Variants in CDK19 observed in about 807,000 individuals in gnomAD.
CDK19 encodes the protein cyclin-dependent kinase 19.
In CDK19, 20 loss-of-function variants were observed where a neutral mutation model predicts 68.3. The ratio of observed to expected loss-of-function variants is 0.29; its 90% CI spans 0.21 to 0.43. The LOEUF (loss-of-function observed/expected upper bound fraction) is 0.43, where lower values mean the gene tolerates loss of function less well. CDK19 is among the 20% of genes least tolerant of loss of function. CDK19 has a pLI of 1.00. For synonymous variants in CDK19, 221 were observed against 222.8 expected (o/e 0.99, Z 0.07); for missense variants, 339 against 623.5 (o/e 0.54, Z 4.86).
intron 2 of CDK19, among the ~76,000 whole-genome samples, chr6:110,714,305 A>AT (rs772002084): frequency 6.6e-6 from 1 of 152,226 alleles, no homozygotes; most frequent in Non-Finnish European, 1.5e-5. Flanking sequence ...TTGTTTATCC[A>AT]TTCATCAGCT....
chr6:110,621,179 C>G lies in CDK19; in HGVS notation c.1302G>C (p.Val434=). ...CTAGCCGTGGCTTCTTGTTTGGAGG[C>G]ACCTGGTTCAGGCTGGAGTCCTGGC... ...QHSQDSSLNQ[V]PPNKKPRLGP... Residue 434 remains valine, a synonymous_variant, in exon 12 of 13, where the codon GTG becomes GTC. Transcript: ENST00000368911. This position sits in a 1 kb window ranked among gnomAD's most constrained non-coding sequence, Gnocchi z 5.4. The G allele has an allele frequency of 6.2e-7, 1 of 1,614,128 alleles. No homozygotes were observed. The highest frequency in any genetic ancestry group is 8.5e-7 in the Non-Finnish European group (1 of 1,180,048).
At chr6:110,678,530 C>T (rs1265102101) in intron 2 of CDK19, among the ~76,000 whole-genome samples, 1 of 152,176 alleles carries the variant, frequency 6.6e-6, no homozygotes, top group African/African-American at 2.4e-5. Flanking sequence ...ATATCTCCTC[C>T]TCAGTGAGTC....
intron 5 of CDK19, among the ~76,000 whole-genome samples, chr6:110,637,876 G>GGA (rs1779884240): frequency 7.0e-6 from 1 of 143,714 alleles, no homozygotes; most frequent in South Asian, 2.5e-4. Flanking sequence ...CAGCTACTTG[G>GGA]GAGACTGAGG....
intron 8 of CDK19, among the ~76,000 whole-genome samples, chr6:110,623,862 A>G (rs116888288): frequency 0.065 from 9,226 of 141,470 alleles, 381 homozygotes; most frequent in Middle Eastern, 0.12. Context: ...ATATATATAC[A>G]TATATAGTAT....
At chr6:110,689,699 C>A (rs891067623) in intron 2 of CDK19, among the ~76,000 whole-genome samples, 8 of 152,182 alleles carry the variant, frequency 5.3e-5, no homozygotes, top group Non-Finnish European at 1.2e-4. Context: ...TCGGAGTCTG[C>A]GTCACTCCCC....
At chr6:110,688,513 C>G (rs117913840) in intron 2 of CDK19, among the ~76,000 whole-genome samples, 484 of 152,118 alleles carry the variant, frequency 3.2e-3, no homozygotes, top group Non-Finnish European at 5.8e-3. Flanking sequence ...ATCCACAGAC[C>G]CTTTGAAAGA....
chr6:110,646,594 G>T, intron 4 of CDK19: 1 of 705,392 alleles, frequency 1.4e-6, no homozygotes, highest in Non-Finnish European at 2.1e-6. Context: ...CGGGCCAACG[G>T]CGGAGGGGGC....
At chr6:110,710,195 G>A (rs935656386) in intron 2 of CDK19, among the ~76,000 whole-genome samples, 1 of 152,192 alleles carries the variant, frequency 6.6e-6, no homozygotes, top group Non-Finnish European at 1.5e-5. Flanking sequence ...TAATCTTGAA[G>A]CCAACTCAAC....
chr6:110,617,246 TA>T, intron 12 of CDK19, among the ~76,000 whole-genome samples: 1 of 152,230 alleles, frequency 6.6e-6, no homozygotes, highest in Middle Eastern at 3.4e-3. Flanking sequence ...CCTTTCTGTG[TA>T]AAAACTGGAC....
chr6:110,662,723 T>C (rs1781694638), intron 4 of CDK19, among the ~76,000 whole-genome samples: 1 of 152,224 alleles, frequency 6.6e-6, no homozygotes, highest in Non-Finnish European at 1.5e-5. Flanking sequence ...AGTCATCCTA[T>C]ATTTCATTTT....
chr6:110,815,255 G>A lies in CDK19; in HGVS notation c.-119C>T, dbSNP rs1583170199. On this transcript the variant is annotated 5_prime_UTR_variant, in exon 1 of 13. Coordinates refer to ENST00000368911, the MANE Select transcript of CDK19 (RefSeq NM_015076.5). ...ACAGCCGCCTCTCGCGCGCGCGCGC[G>A]CGCCGCCCGCCGCCCGCCGCTCCGC... The A allele has an allele frequency of 8.7e-7, 1 of 1,154,286 alleles. No homozygotes were observed. The highest frequency in any genetic ancestry group is 1.1e-6 in the Non-Finnish European group (1 of 903,602). The allele number at this position is 1,154,286 out of a possible 1,614,324, so 71.5% of individuals were successfully genotyped here. A position where few individuals can be genotyped will look rare whatever the true frequency, so the allele number is the denominator to read the frequency against.
At chr6:110,617,353 G>C (rs913470813) in intron 12 of CDK19, among the ~76,000 whole-genome samples, 2 of 152,154 alleles carry the variant, frequency 1.3e-5, no homozygotes, top group African/African-American at 4.8e-5. Flanking sequence ...AGGAATGCAC[G>C]CTTAGAGAGA....
intron 2 of CDK19, among the ~76,000 whole-genome samples, chr6:110,687,086 T>C (rs1001933674): frequency 3.3e-5 from 5 of 152,144 alleles, no homozygotes; most frequent in Non-Finnish European, 7.3e-5. Flanking sequence ...CATTTTCTGC[T>C]TTTACTAAAC....
chr6:110,646,458 C>G, intron 4 of CDK19: 1 of 1,493,430 alleles, frequency 6.7e-7, no homozygotes, highest in East Asian at 2.5e-5. Flanking sequence ...CGCCTCATCC[C>G]TGAGGCCCAG....
At chr6:110,814,579 C>A (rs1449555083) in intron 1 of CDK19, 1 of 458,200 alleles carries the variant, frequency 2.2e-6, no homozygotes, top group East Asian at 6.9e-5. Flanking sequence ...CCGCCGCCCC[C>A]GCGAGGCGCT....
intron 4 of CDK19, among the ~76,000 whole-genome samples, chr6:110,653,417 C>T (rs1781101853): frequency 6.6e-6 from 1 of 152,046 alleles, no homozygotes; most frequent in Non-Finnish European, 1.5e-5. Flanking sequence ...CATAAAAAAC[C>T]TAAAAGGATG....
chr6:110,626,961 A>G, intron 7 of CDK19, 41 bp downstream of exon 7: 5 of 1,546,018 alleles, frequency 3.2e-6, no homozygotes, highest in South Asian at 1.2e-5. Context: ...TGATTTTGAA[A>G]TATGACTCAA....
intron 2 of CDK19, among the ~76,000 whole-genome samples, chr6:110,672,571 G>C (rs1771111260): frequency 6.6e-6 from 1 of 152,080 alleles, no homozygotes; most frequent in African/African-American, 2.4e-5. Flanking sequence ...CACTCCTCTT[G>C]CTTCCCTGGA....
At chr6:110,669,964 C>T (rs1020561415) in intron 3 of CDK19, among the ~76,000 whole-genome samples, 1 of 151,726 alleles carries the variant, frequency 6.6e-6, no homozygotes, top group Non-Finnish European at 1.5e-5. Flanking sequence ...TCGAGACCAG[C>T]CTGACCAACA....
Sources: allele counts gnomAD v4.1 joint callset (sites outside exome capture counted in the v4.1 genomes callset), GRCh38; gene constraint gnomAD v4.1.1; non-coding constraint Gnocchi (gnomAD v3.1); transcripts MANE v1.5; gene names NCBI Gene and HGNC (gene_info 2026-07-23, HGNC 2026-07-21).